Variants in DYNC2LI1 observed in about 807,000 individuals in gnomAD.
The protein encoded by DYNC2LI1 is dynein cytoplasmic 2 light intermediate chain 1, also known as cytoplasmic dynein 2 light intermediate chain 1.
In DYNC2LI1, 45 loss-of-function variants were observed where a neutral mutation model predicts 51.9. The ratio of observed to expected loss-of-function variants is 0.87; its 90% CI spans 0.68 to 1.11. DYNC2LI1 has a LOEUF of 1.11. Ranked by LOEUF, DYNC2LI1 falls within the 50% of genes most tolerant of loss-of-function variation. The probability of loss-of-function intolerance (pLI) is 0.00; values close to 1 mark genes in which losing one functional copy is unlikely to be tolerated. For missense variants in DYNC2LI1, 490 were observed against 417.4 expected, an observed-to-expected ratio of 1.17 and a Z score of -1.51; for synonymous variants, 130 against 137.8, an observed-to-expected ratio of 0.94 and a Z score of 0.40.
Position 43,794,439 on chromosome 2 carries a change from G to A in DYNC2LI1, c.321-18G>A. On this transcript the variant is annotated intron_variant, in intron 5 of 12. Coordinates refer to ENST00000260605, the MANE Select transcript of DYNC2LI1 (RefSeq NM_016008.4). Reference sequence around the variant, plus strand: ...AATTATTTTGAGTCTTTTTTGAAAAGTGTTTTTATTTCTTTAGGACGTTTT... The same window carrying A: ...AATTATTTTGAGTCTTTTTTGAAAAATGTTTTTATTTCTTTAGGACGTTTT... 1 of 1,581,736 alleles carries A rather than the reference G, an allele frequency of 6.3e-7. No individual in the cohort carries two copies. Among genetic ancestry groups the A allele is most frequent in the Non-Finnish European group, 8.6e-7 (1 of 1,165,994 alleles).
the DYNC2LI1 span, among the ~76,000 whole-genome samples, chr2:43,817,181 C>G: frequency 6.6e-6 from 1 of 152,174 alleles, no homozygotes; most frequent in Non-Finnish European, 1.5e-5. Context: ...TTGCAACTGC[C>G]TACCTTTTAA....
At position 43,805,176 on chromosome 2, in the gene DYNC2LI1, T is replaced by C. The variant is rs1347907332; in HGVS notation, c.923T>C (p.Ile308Thr). 6 of 1,611,902 alleles carry C rather than the reference T, an allele frequency of 3.7e-6. No individual in the cohort carries two copies. The highest frequency in any genetic ancestry group is 1.1e-5 in the South Asian group (1 of 90,876). The change falls in exon 12 of 13, where the codon ATC (isoleucine) becomes ACC (threonine). Residue 308 changes from isoleucine (I) to threonine (T), a missense_variant. Transcript: ENST00000260605. ...PPKSINTLKD[I>T]KDPARDPQYA... ...CAGAGTATTAACACGCTGAAAGATA[T>C]CAAGGACCCTGCGAGAGATCCTCAG...
At chr2:43,784,691 C>T (rs1053638617) in intron 3 of DYNC2LI1, among the ~76,000 whole-genome samples, 4 of 152,062 alleles carry the variant, frequency 2.6e-5, no homozygotes, top group Non-Finnish European at 5.9e-5. Context: ...GCCACGGCCT[C>T]CCAAAGTACT....
chr2:43,796,873 C>A, intron 8 of DYNC2LI1, 78 bp downstream of exon 8: 1 of 1,104,562 alleles, frequency 9.1e-7, no homozygotes. Flanking sequence ...TGCACAGCTA[C>A]GAGGAATAAA....
chr2:43,796,528 T>C (rs1674043036), intron 7 of DYNC2LI1, among the ~76,000 whole-genome samples, 190 bp from the exon 8 acceptor site: 1 of 152,208 alleles, frequency 6.6e-6, no homozygotes, highest in Middle Eastern at 3.2e-3. Context: ...AAAGATCTGT[T>C]AGCTGTAGTT....
At chr2:43,823,487 GT>G in the DYNC2LI1 span, among the ~76,000 whole-genome samples, 1 of 152,110 alleles carries the variant, frequency 6.6e-6, no homozygotes. Context: ...AGGCAACCAG[GT>G]TTTGTCTCTG....
chr2:43,804,846 C>T (rs1456964398), intron 11 of DYNC2LI1, 107 bp downstream of exon 11: 3 of 650,140 alleles, frequency 4.6e-6, no homozygotes, highest in African/African-American at 3.8e-5. Flanking sequence ...ATCTTTTATG[C>T]TCAAAAATCA....
the DYNC2LI1 span, chr2:43,825,135 C>T: frequency 7.8e-7 from 1 of 1,280,700 alleles, no homozygotes; most frequent in Non-Finnish European, 1.1e-6. Context: ...TCACCAAGTC[C>T]TTATGGGAAA....
At chr2:43,815,388 G>T in the DYNC2LI1 span, among the ~76,000 whole-genome samples, 10 of 152,176 alleles carry the variant, frequency 6.6e-5, no homozygotes, top group Non-Finnish European at 1.3e-4. Flanking sequence ...TGTAGTTGGA[G>T]ATATAGAATA....
intron 5 of DYNC2LI1, 61 bp from the exon 6 acceptor site, chr2:43,794,396 T>C: frequency 6.8e-7 from 1 of 1,475,494 alleles, no homozygotes; most frequent in Admixed American, 2.1e-5. Flanking sequence ...TTTCAGTACA[T>C]TAGGATTTCA....
intron 2 of DYNC2LI1, among the ~76,000 whole-genome samples, chr2:43,781,160 A>G (rs1470523799): frequency 6.6e-6 from 1 of 152,156 alleles, no homozygotes; most frequent in Non-Finnish European, 1.5e-5. Context: ...TGAGGCCAGG[A>G]GTTCAAGACC....
rs762641216 is a variant in DYNC2LI1, at chr2:43,777,923, A to G, written c.126+1024A>G. ...AAAAAGCAGGACACAAGTGTCATACATGACATGATCCCAATTATACAAATA... is the reference window on the plus strand; with the variant it reads ...AAAAAGCAGGACACAAGTGTCATACGTGACATGATCCCAATTATACAAATA... On this transcript the variant is annotated intron_variant, in intron 2 of 12. Coordinates refer to ENST00000260605, the MANE Select transcript of DYNC2LI1 (RefSeq NM_016008.4). Among the ~76,000 whole-genome samples the G allele has an allele frequency of 2.6e-5, 4 of 152,270 alleles. No individual in the cohort carries two copies. In the South Asian group the frequency reaches 8.3e-4, roughly 31 times the overall value.
At chr2:43,792,610 T>C (rs1209794733) in intron 5 of DYNC2LI1, 2 of 1,463,878 alleles carry the variant, frequency 1.4e-6, no homozygotes, top group East Asian at 5.1e-5. Flanking sequence ...CTCCAGAACT[T>C]TTTGATCTTC....
intron 3 of DYNC2LI1, among the ~76,000 whole-genome samples, chr2:43,784,550 C>T (rs995407587): frequency 2.6e-5 from 4 of 152,088 alleles, no homozygotes; most frequent in Non-Finnish European, 5.9e-5. Context: ...AGCGATTCTC[C>T]TGCCTCAGCC....
At chr2:43,780,110 A>C (rs775123474) in intron 2 of DYNC2LI1, among the ~76,000 whole-genome samples, 3 of 152,224 alleles carry the variant, frequency 2.0e-5, no homozygotes, top group Non-Finnish European at 2.9e-5. Flanking sequence ...AGGGGTGTCA[A>C]TGGACATTTG....
chr2:43,809,430 A>AAC (rs1385150000), intron 12 of DYNC2LI1, among the ~76,000 whole-genome samples: 3 of 152,230 alleles, frequency 2.0e-5, no homozygotes, highest in South Asian at 4.1e-4. Context: ...AAGACAATTC[A>AAC]TATGTATTAT....
chr2:43,792,525 A>T (rs963285888), intron 5 of DYNC2LI1: 1 of 627,464 alleles, frequency 1.6e-6, no homozygotes, highest in African/African-American at 1.9e-5. Flanking sequence ...GTCGTAAAAT[A>T]TACATAGCGT....
intron 2 of DYNC2LI1, among the ~76,000 whole-genome samples, chr2:43,777,949 C>A (rs905719539): frequency 6.6e-6 from 1 of 152,072 alleles, no homozygotes. Context: ...TATACAAATA[C>A]GTAAATAAAA....
chr2:43,800,809 G>T (rs3792013), intron 8 of DYNC2LI1, 32 bp from the exon 9 acceptor site: 10 of 1,214,580 alleles, frequency 8.2e-6, no homozygotes, highest in Non-Finnish European at 1.1e-5. Flanking sequence ...GGAAAATAGA[G>T]CATGTAATTT....
Sources: allele counts gnomAD v4.1 joint callset (sites outside exome capture counted in the v4.1 genomes callset), GRCh38; gene constraint gnomAD v4.1.1; transcripts MANE v1.5; gene names NCBI Gene and HGNC (gene_info 2026-07-23, HGNC 2026-07-21).